Variants in COPS8 observed in about 807,000 individuals in gnomAD.
The protein encoded by COPS8 is COP9 signalosome subunit 8, also known as COP9 signalosome complex subunit 8.
A neutral mutation model predicts 31.5 loss-of-function variants in COPS8; 11 were observed. That is an observed-to-expected ratio of 0.35 (90% CI 0.22 to 0.58). COPS8 has a LOEUF of 0.58. COPS8 is among the 20% of genes least tolerant of loss of function. The pLI is 0.83. For missense variants in COPS8, 215 were observed against 255.1 expected (o/e 0.84, Z 1.07); for synonymous variants, 81 against 89.3 (o/e 0.91, Z 0.52).
rs374483209 is a variant in COPS8, at chr2:237,093,683, C to T, written c.332-407C>T. 29 of 986,052 alleles carry T rather than the reference C, an allele frequency of 2.9e-5. No individual in the cohort carries two copies. In the East Asian group the frequency reaches 1.0e-3, roughly 35 times the overall value. The allele number at this position is 986,052 out of a possible 1,614,324, so 61.1% of individuals were successfully genotyped here. A position where few individuals can be genotyped will look rare whatever the true frequency, so the allele number is the denominator to read the frequency against. ...CCCAGGTGTGGTCCTGTATTAGAGA[C>T]GTTTTTGAAAAGGACAGCTGATTAC... On this transcript the variant is annotated intron_variant, in intron 4 of 7. Transcript: ENST00000354371.
At chr2:237,094,055 G>A (rs1404439175) in intron 4 of COPS8, 35 bp from the exon 5 acceptor site, 1 of 1,605,196 alleles carries the variant, frequency 6.2e-7, no homozygotes, top group East Asian at 2.2e-5. Context: ...CTGCTCCCTG[G>A]TTCACTCTCT....
rs778166607 is a variant in COPS8 at position 237,097,705 on chromosome 2, C to T, written c.593C>T (p.Ala198Val). The change falls in exon 8 of 8, where the codon GCC becomes GTC. Residue 198 changes from alanine (A) to valine (V), a missense_variant. Physicochemically the swap from Ala to Val is moderately conservative, Grantham distance 64 (BLOSUM62 0). Coordinates refer to ENST00000354371, the MANE Select transcript of COPS8 (RefSeq NM_006710.5). ...VPPIPNEQQL[A>V]RLTDYVAFLE... is the part of the protein sequence containing the mutation. ...CCAATACCCAATGAACAGCAGTTAGCCAGACTGACGGATTATGTGGCTTTC... is the reference window on the plus strand; with the variant it reads ...CCAATACCCAATGAACAGCAGTTAGTCAGACTGACGGATTATGTGGCTTTC... The T allele has an allele frequency of 1.2e-6, 2 of 1,612,930 alleles. No homozygotes were observed. The highest frequency in any genetic ancestry group is 1.7e-6 in the Non-Finnish European group (2 of 1,179,410).
intron 5 of COPS8, among the ~76,000 whole-genome samples, chr2:237,094,585 C>T (rs865885180): frequency 6.6e-6 from 1 of 152,100 alleles, no homozygotes. Flanking sequence ...CTCATACCTG[C>T]TGGTCTCTCC....
chr2:237,089,742 A>G, intron 3 of COPS8, 120 bp from the exon 4 acceptor site: 1 of 977,338 alleles, frequency 1.0e-6, no homozygotes, highest in Admixed American at 2.5e-5. Flanking sequence ...TAAATGTTGA[A>G]TTAGGTTTTA....
At chr2:237,093,452 T>C (rs1442323382) in intron 4 of COPS8, among the ~76,000 whole-genome samples, 1 of 152,230 alleles carries the variant, frequency 6.6e-6, no homozygotes, top group Non-Finnish European at 1.5e-5. Flanking sequence ...TCTACCGTAC[T>C]CCTGAGTTTA....
intron 4 of COPS8, among the ~76,000 whole-genome samples, chr2:237,093,188 T>C (rs1413873152): frequency 6.6e-6 from 1 of 152,186 alleles, no homozygotes; most frequent in East Asian, 1.9e-4. Flanking sequence ...GTAAGACTTG[T>C]CTGAGAGCCA....
chr2:237,086,076 G>A (rs977179223), intron 1 of COPS8, 34 bp downstream of exon 1: 1 of 1,590,468 alleles, frequency 6.3e-7, no homozygotes, highest in Non-Finnish European at 8.6e-7. Context: ...AGAAACTGCG[G>A]AGTAGTCTTA....
chr2:237,089,203 AT>A (rs1231871001), intron 3 of COPS8, among the ~76,000 whole-genome samples: 2 of 152,200 alleles, frequency 1.3e-5, no homozygotes, highest in African/African-American at 4.8e-5. Flanking sequence ...GTCAAGTGAA[AT>A]TTTTAACATT....
In COPS8 at chr2:237,095,857, A is replaced by G; in HGVS notation, c.475A>G (p.Thr159Ala). ...ACAAGGATGGCAAGCTGATTCCACC[A>G]CAAGAATGGTTCTGCCCAGAAAGCC... ...LEQGWQADSTTRMVLPRKPVA... is the reference protein window; with the variant it reads ...LEQGWQADSTARMVLPRKPVA... Residue 159 changes from threonine to alanine, a missense_variant, in exon 6 of 8, where the codon ACA becomes GCA. Transcript: ENST00000354371. 9.3e-6 allele frequency: 15 copies of G among 1,613,480 alleles called. No homozygotes were observed. The highest frequency in any genetic ancestry group is 1.3e-5 in the Non-Finnish European group (15 of 1,179,422).
chr2:237,096,777 A>G (rs1321376812), intron 6 of COPS8, 45 bp from the exon 7 acceptor site: 1 of 1,487,708 alleles, frequency 6.7e-7, no homozygotes, highest in Non-Finnish European at 9.3e-7. Context: ...AGATCTTTAC[A>G]ATGACTTCTG....
chr2:237,087,226 C>G (rs760229598), intron 2 of COPS8, 29 bp downstream of exon 2: 13 of 1,511,332 alleles, frequency 8.6e-6, no homozygotes, highest in Non-Finnish European at 1.2e-5. Flanking sequence ...AAGCTAAGAG[C>G]AACAGGTTTC....
intron 2 of COPS8, chr2:237,087,493 T>C: frequency 2.6e-6 from 1 of 385,348 alleles, no homozygotes; most frequent in Non-Finnish European, 5.1e-6. Flanking sequence ...TTACTTAACT[T>C]CATATATAAT....
At chr2:237,093,930 A>G (rs1696749662) in intron 4 of COPS8, 160 bp from the exon 5 acceptor site, 2 of 1,354,208 alleles carry the variant, frequency 1.5e-6, no homozygotes, top group Non-Finnish European at 1.9e-6. Flanking sequence ...CCCCCCGTAC[A>G]TACTGGGCAT....
chr2:237,092,119 G>C (rs1315344203), intron 4 of COPS8, among the ~76,000 whole-genome samples: 2 of 152,180 alleles, frequency 1.3e-5, no homozygotes. Flanking sequence ...GTTAGCATTT[G>C]TTTTCACCAA....
Position 237,100,306 on chromosome 2 carries a change from G to A in COPS8, c.*2564G>A, listed in dbSNP as rs1696871612. On this transcript the variant is annotated 3_prime_UTR_variant, in exon 8 of 8. Coordinates refer to ENST00000354371, the MANE Select transcript of COPS8 (RefSeq NM_006710.5). ...TTCTGAGCCAGCCATCTGTGTACAA[G>A]TGTAGCCTGACAGCACCCTGTTTCA... is the stretch of plus-strand genomic sequence containing the variant. 1 of 152,152 alleles carries A rather than the reference G, an allele frequency of 6.6e-6. No individual in the cohort carries two copies. Among genetic ancestry groups the A allele is most frequent in the Non-Finnish European group, 1.5e-5 (1 of 68,044 alleles). 9.4% of individuals were successfully genotyped at this position (152,152 alleles called of 1,614,324 possible). A position where few individuals can be genotyped will look rare whatever the true frequency, so the allele number is the denominator to read the frequency against.
chr2:237,100,298 G>A lies in COPS8; in HGVS notation c.*2556G>A, dbSNP rs185858015. 3 of 152,282 alleles carry A rather than the reference G, an allele frequency of 2.0e-5. No homozygotes were observed. The East Asian group carries it at 5.8e-4, about 29-fold the overall frequency. 9.4% of individuals were successfully genotyped at this position (152,282 alleles called of 1,614,324 possible). Reference sequence around the variant, plus strand: ...CTGGCTATTTCTGAGCCAGCCATCTGTGTACAAGTGTAGCCTGACAGCACC... The same window carrying A: ...CTGGCTATTTCTGAGCCAGCCATCTATGTACAAGTGTAGCCTGACAGCACC... On this transcript the variant is annotated 3_prime_UTR_variant, in exon 8 of 8. Coordinates refer to ENST00000354371, the MANE Select transcript of COPS8 (RefSeq NM_006710.5).
chr2:237,087,388 T>C (rs1203882899), intron 2 of COPS8, 191 bp downstream of exon 2: 2 of 546,106 alleles, frequency 3.7e-6, no homozygotes, highest in Non-Finnish European at 6.6e-6. Flanking sequence ...GTCTTACATA[T>C]ACTTTCTAGA....
intron 2 of COPS8, 42 bp downstream of exon 2, chr2:237,087,239 A>C (rs753526826): frequency 1.4e-6 from 2 of 1,430,164 alleles, no homozygotes; most frequent in African/African-American, 2.9e-5. Context: ...CAGGTTTCTC[A>C]AAGTTATATG....
intron 1 of COPS8, chr2:237,086,730 A>G (rs1193380940): frequency 8.3e-6 from 8 of 960,002 alleles, no homozygotes; most frequent in East Asian, 1.1e-4. Flanking sequence ...TCTCTTATTC[A>G]GGACGCTTGA....
Sources: allele counts gnomAD v4.1 joint callset (sites outside exome capture counted in the v4.1 genomes callset), GRCh38; gene constraint gnomAD v4.1.1; transcripts MANE v1.5; gene names NCBI Gene and HGNC (gene_info 2026-07-23, HGNC 2026-07-21).